The following ZEB2 variants were observed in gnomAD, a reference collection of about 807,000 sequenced individuals.
ZEB2 encodes the protein zinc finger E-box-binding homeobox 2.
A neutral mutation model predicts 99.9 loss-of-function variants in ZEB2; 6 were observed. That is an observed-to-expected ratio of 0.06 (90% CI 0.03 to 0.12). The LOEUF is 0.12. Among genes scored for constraint, ZEB2 ranks in the 10% least tolerant of loss-of-function variants. The pLI, the probability that ZEB2 is intolerant of heterozygous loss-of-function variation, is 1.00. For synonymous variants in ZEB2, 517 were observed against 542.5 expected, an observed-to-expected ratio of 0.95 and a Z score of 0.65; for missense variants, 969 against 1,502.8, an observed-to-expected ratio of 0.64 and a Z score of 5.87.
rs544058020 is a variant in ZEB2, at chr2:144,501,556, G to C, written c.73+15722C>G. 1.7e-3 allele frequency among the ~76,000 whole-genome samples: 261 copies of C among 152,264 alleles called. 1 individual carries two copies. Among genetic ancestry groups the C allele is most frequent in the African/African-American group, 6.1e-3 (254 of 41,548 alleles). On this transcript the variant is annotated intron_variant, in intron 2 of 9. Transcript: ENST00000627532. ...ATAACTAGAATTATGACTTCATTTA[G>C]AGTAATTTAAAGATAGAATGTTATA...
chr2:144,512,432 A>G, intron 2 of ZEB2: 1 of 1,287,252 alleles, frequency 7.8e-7, no homozygotes, highest in Non-Finnish European at 1.0e-6. Context: ...TTCCCAGGAA[A>G]TATTCTTAAT....
intron 4 of ZEB2, among the ~76,000 whole-genome samples, chr2:144,418,706 CA>C (rs61255327): frequency 0.1 from 15,402 of 148,438 alleles, 913 homozygotes; most frequent in African/African-American, 0.15. Flanking sequence ...AACAAACAAA[CA>C]AAAAAAAAAA....
intron 2 of ZEB2, among the ~76,000 whole-genome samples, chr2:144,498,170 G>A (rs1704815497): frequency 8.4e-6 from 1 of 119,608 alleles, no homozygotes; most frequent in African/African-American, 3.3e-5. Flanking sequence ...AAACATTGGT[G>A]GCATCTCACA....
chr2:144,448,950 G>T (rs1027376443), intron 2 of ZEB2: 2 of 152,232 alleles, frequency 1.3e-5, no homozygotes, highest in African/African-American at 4.8e-5. Flanking sequence ...TCCTGCGTGG[G>T]TGTACCACTT....
intron 2 of ZEB2, among the ~76,000 whole-genome samples, chr2:144,453,349 A>G (rs1295302099): frequency 1.3e-5 from 2 of 152,218 alleles, no homozygotes; most frequent in Non-Finnish European, 2.9e-5. Flanking sequence ...GGCTACCATG[A>G]GGCCCACTTG....
rs533012750 is a variant in ZEB2 at position 144,402,109 on chromosome 2, T to G, written c.808-802A>C. 1.9e-3 allele frequency among the ~76,000 whole-genome samples: 293 copies of G among 152,196 alleles called. 1 individual carries two copies. Among genetic ancestry groups the G allele is most frequent in the Non-Finnish European group, 2.6e-3 (177 of 68,010 alleles). ...AGTAGGGACAAAAAAGGAAAAAAAGTTTCCTGAAAAGACAAGTTAAAAGCA... is the reference window on the plus strand; with the variant it reads ...AGTAGGGACAAAAAAGGAAAAAAAGGTTCCTGAAAAGACAAGTTAAAAGCA... On this transcript the variant is annotated intron_variant, in intron 6 of 9. Coordinates refer to ENST00000627532, the MANE Select transcript of ZEB2 (RefSeq NM_014795.4).
At chr2:144,394,989 CTTTTTTTTT>C (rs869207772) in intron 9 of ZEB2, among the ~76,000 whole-genome samples, 2 of 85,198 alleles carry the variant, frequency 2.3e-5, no homozygotes, top group South Asian at 8.8e-4. Flanking sequence ...CTTCCCTTCG[CTTTTTTTTT>C]TTTTTTTTTT....
At chr2:144,435,002 G>A (rs568940411) in intron 2 of ZEB2, among the ~76,000 whole-genome samples, 3 of 152,284 alleles carry the variant, frequency 2.0e-5, no homozygotes, top group Non-Finnish European at 4.4e-5. Context: ...ACTGTGTGAT[G>A]TATAAAACAG....
intron 2 of ZEB2, among the ~76,000 whole-genome samples, chr2:144,494,048 A>T (rs1240787430): frequency 6.8e-6 from 1 of 147,164 alleles, no homozygotes; most frequent in Non-Finnish European, 1.5e-5. Context: ...GCTACTCGGG[A>T]GGCTGAGGCA....
intron 2 of ZEB2, among the ~76,000 whole-genome samples, chr2:144,438,926 A>G (rs973110855): frequency 2.0e-4 from 30 of 152,126 alleles, no homozygotes; most frequent in African/African-American, 7.0e-4. Context: ...GGTGAAAGGG[A>G]CAGTGACATG....
chr2:144,389,649 C>T lies in ZEB2; in HGVS notation c.3447G>A (p.Gly1149=). 1 of 1,614,014 alleles carries T rather than the reference C, an allele frequency of 6.2e-7. No homozygotes were observed. The highest frequency in any genetic ancestry group is 8.5e-7 in the Non-Finnish European group (1 of 1,180,042). The change falls in exon 10 of 10, where the codon GGG becomes GGA. Residue 1149 remains glycine (G), a synonymous_variant. Coordinates refer to ENST00000627532, the MANE Select transcript of ZEB2 (RefSeq NM_014795.4). The surrounding 1 kb of genome is among the most constrained non-coding windows in gnomAD (Gnocchi z 6.8). Reference sequence around the variant, plus strand: ...CGTCGCCATCCTGTCTGCCCAGCTTCCCGTAGCCATCCTCGCCTTCTTTCT... The same window carrying T: ...CGTCGCCATCCTGTCTGCCCAGCTTTCCGTAGCCATCCTCGCCTTCTTTCT... The part of the protein sequence containing the change: ...EHEKEGEDGY[G]KLGRQDGDEE...
chr2:144,501,268 T>G (rs998421839), intron 2 of ZEB2, among the ~76,000 whole-genome samples: 10 of 152,222 alleles, frequency 6.6e-5, no homozygotes, highest in African/African-American at 2.4e-4. Flanking sequence ...GTAGGGCTTG[T>G]GTCTCCCTCC....
At chr2:144,464,061 A>G (rs1346903946) in intron 2 of ZEB2, 1 of 152,228 alleles carries the variant, frequency 6.6e-6, no homozygotes, top group Non-Finnish European at 1.5e-5. Flanking sequence ...TACTTAGTCT[A>G]GAACCTTGTA....
chr2:144,517,211 C>T (rs1242366654), intron 2 of ZEB2, 67 bp downstream of exon 2: 45 of 1,599,616 alleles, frequency 2.8e-5, no homozygotes, highest in Middle Eastern at 1.8e-4. Context: ...TTCCCTTTCC[C>T]CCTCCTTCTC....
chr2:144,403,690 T>C (rs1703343640), intron 6 of ZEB2, among the ~76,000 whole-genome samples: 1 of 152,184 alleles, frequency 6.6e-6, no homozygotes, highest in Non-Finnish European at 1.5e-5. Flanking sequence ...CAAATAAAAT[T>C]TCTAAATTAG....
At chr2:144,475,384 T>C (rs150991362) in intron 2 of ZEB2, among the ~76,000 whole-genome samples, 14 of 152,304 alleles carry the variant, frequency 9.2e-5, no homozygotes, top group Non-Finnish European at 5.9e-5. Flanking sequence ...CTTTGATCTC[T>C]ATTCGCAACT....
chr2:144,495,176 C>A (rs557861338), intron 2 of ZEB2: 1 of 152,134 alleles, frequency 6.6e-6, no homozygotes, highest in Admixed American at 6.5e-5. Context: ...ATTTTTTCTC[C>A]TTTGTTGATA....
At chr2:144,466,762 T>C (rs1181756845) in intron 2 of ZEB2, among the ~76,000 whole-genome samples, 3 of 152,156 alleles carry the variant, frequency 2.0e-5, no homozygotes, top group Non-Finnish European at 2.9e-5. Context: ...ATGAAACCAG[T>C]GTTGCAGCAA....
intron 2 of ZEB2, among the ~76,000 whole-genome samples, chr2:144,432,041 T>C (rs945673970): frequency 1.3e-5 from 2 of 151,850 alleles, no homozygotes; most frequent in Non-Finnish European, 2.9e-5. Context: ...GGTCTTTTTC[T>C]GCATGGACCA....
Sources: gnomAD v4.1 joint callset for allele counts (sites outside exome capture counted in the v4.1 genomes callset) on GRCh38, gnomAD v4.1.1 for gene constraint, Gnocchi (gnomAD v3.1) non-coding constraint, MANE v1.5 for transcripts, NCBI Gene and HGNC (gene_info 2026-07-23, HGNC 2026-07-21) for gene names.